RYR2: variants seen among roughly 807,000 people sequenced by gnomAD.
RYR2 encodes ryanodine receptor 2, also known as cardiac muscle ryanodine receptor-calcium release channel.
Under a neutral mutation model 601.1 loss-of-function variants are expected in RYR2, and 227 were observed. The ratio of observed to expected loss-of-function variants is 0.38; its 90% CI spans 0.34 to 0.42. The LOEUF (loss-of-function observed/expected upper bound fraction) is 0.42, where lower values mean the gene tolerates loss of function less well. Ranked by LOEUF, RYR2 falls within the 10% of genes least tolerant of loss-of-function variation. The pLI, the probability that RYR2 is intolerant of heterozygous loss-of-function variation, is 1.00. For missense variants in RYR2, 4,646 were observed against 6,156.5 expected (o/e 0.75, Z 8.21); for synonymous variants, 2,223 against 2,175.1 (o/e 1.02, Z -0.61).
intron 80 of RYR2, among the ~76,000 whole-genome samples, chr1:237,753,926 T>TTG (rs1391055067): frequency 1.3e-5 from 2 of 151,792 alleles, no homozygotes; most frequent in African/African-American, 4.8e-5. Flanking sequence ...TCAGAGTTTT[T>TTG]TTTTTTTTTT....
intron 3 of RYR2, among the ~76,000 whole-genome samples, chr1:237,341,937 C>A (rs1697842222): frequency 6.6e-6 from 1 of 152,196 alleles, no homozygotes; most frequent in African/African-American, 2.4e-5. Flanking sequence ...ACAGCATAAT[C>A]ACTATTAGTT....
At chr1:237,827,032 C>A (rs1298722075) in intron 101 of RYR2, among the ~76,000 whole-genome samples, 2 of 152,296 alleles carry the variant, frequency 1.3e-5, no homozygotes, top group East Asian at 3.9e-4. Flanking sequence ...TTCCGCTTAA[C>A]ACATGTATCC....
intron 38 of RYR2, among the ~76,000 whole-genome samples, chr1:237,620,278 CTG>C (rs1317104914): frequency 1.3e-5 from 2 of 152,104 alleles, no homozygotes; most frequent in African/African-American, 4.8e-5. Context: ...TACCAGTAGA[CTG>C]TATGTTAGGT....
At position 237,289,399 on chromosome 1, in the gene RYR2, G is replaced by A. The variant is rs142707994; in HGVS notation, c.168+18783G>A. Among the ~76,000 whole-genome samples the A allele has an allele frequency of 6.3e-3, 963 of 152,286 alleles. 5 individuals are homozygous for A. Among genetic ancestry groups the A allele is most frequent in the Middle Eastern group, 0.01 (3 of 292 alleles). ...ACCTGAGACTGGATAATTTATAAAG[G>A]AAAGATGTTTAATTGACTCACAGTT... On this transcript the variant is annotated intron_variant, in intron 2 of 104. Coordinates refer to ENST00000366574, the MANE Select transcript of RYR2 (RefSeq NM_001035.3).
At chr1:237,795,966 GTATATGTA>G (rs1659168306) in intron 96 of RYR2, among the ~76,000 whole-genome samples, 1 of 84,978 alleles carries the variant, frequency 1.2e-5, no homozygotes, top group African/African-American at 3.2e-5. Flanking sequence ...ACATATGTAT[GTATATGTA>G]TATATGTATA....
chr1:237,127,515 G>C (rs980940029), intron 1 of RYR2, among the ~76,000 whole-genome samples: 11 of 149,838 alleles, frequency 7.3e-5, no homozygotes, highest in Admixed American at 5.3e-4. Context: ...GCGGGGGGCT[G>C]ATGCCCCCAC....
intron 1 of RYR2, among the ~76,000 whole-genome samples, chr1:237,077,789 A>T (rs536399926): frequency 0.013 from 1,943 of 150,484 alleles, 2 homozygotes; most frequent in African/African-American, 0.045. Flanking sequence ...ATAGACATCT[A>T]CAGAACCATC....
intron 16 of RYR2, among the ~76,000 whole-genome samples, chr1:237,466,663 A>C (rs1660117541): frequency 5.9e-5 from 9 of 151,344 alleles, no homozygotes; most frequent in Admixed American, 5.9e-4. Context: ...ACTGATGTTT[A>C]TTTGATGTTC....
chr1:237,430,780 T>C (rs1449300072), intron 12 of RYR2, among the ~76,000 whole-genome samples: 3 of 152,230 alleles, frequency 2.0e-5, no homozygotes, highest in Admixed American at 2.0e-4. Flanking sequence ...TATTTTTGAA[T>C]GTTCTTGATA....
chr1:237,255,838 A>AGTGTGTGTGT (rs4006354), intron 1 of RYR2, among the ~76,000 whole-genome samples: 3,838 of 142,928 alleles, frequency 0.027, 157 homozygotes, highest in African/African-American at 0.09. Flanking sequence ...TTGCTATACC[A>AGTGTGTGTGT]GTGTGTGTGT....
intron 10 of RYR2, among the ~76,000 whole-genome samples, chr1:237,402,748 C>CTA (rs1305445927): frequency 1.6e-5 from 1 of 63,370 alleles, no homozygotes; most frequent in Non-Finnish European, 3.8e-5. Context: ...GATTTCATCC[C>CTA]TACAAAAAAA....
At chr1:237,658,577 G>C (rs1683468834) in intron 54 of RYR2, among the ~76,000 whole-genome samples, 1 of 152,036 alleles carries the variant, frequency 6.6e-6, no homozygotes, top group Non-Finnish European at 1.5e-5. Flanking sequence ...ATTTTTTATA[G>C]AGATGAGATC....
intron 1 of RYR2, among the ~76,000 whole-genome samples, chr1:237,162,839 T>G (rs1235847417): frequency 6.6e-6 from 1 of 152,122 alleles, no homozygotes; most frequent in Non-Finnish European, 1.5e-5. Flanking sequence ...ATCGTCTAAA[T>G]GCCTGCTGTT....
At chr1:237,829,326 A>G (rs1663513332) in intron 102 of RYR2, among the ~76,000 whole-genome samples, 1 of 152,172 alleles carries the variant, frequency 6.6e-6, no homozygotes, top group Non-Finnish European at 1.5e-5. Flanking sequence ...CAGGTGGGAG[A>G]TTCTGAAGCT....
intron 3 of RYR2, among the ~76,000 whole-genome samples, chr1:237,351,854 C>CAAAAAAAAAAAAAAAAAAAAA (rs33955032): frequency 7.3e-5 from 3 of 40,928 alleles, no homozygotes; most frequent in Non-Finnish European, 9.4e-5. Context: ...AAAGACCATG[C>CAAAAAAAAAAAAAAAAAAAAA]AAAAAAAAAA....
chr1:237,221,005 A>C (rs992740977), intron 1 of RYR2, among the ~76,000 whole-genome samples: 2 of 152,054 alleles, frequency 1.3e-5, no homozygotes, highest in African/African-American at 4.8e-5. Context: ...CTGAGGCAGG[A>C]GAATGGCTTG....
rs747708095 is a variant in RYR2 at position 237,614,616 on chromosome 1, A to G, written c.5488A>G (p.Ile1830Val). ...PLIKLFYTLL[I>V]MGIFHNEDLK... Reference sequence around the variant, plus strand: ...CATCAAGCTTTTCTATACCCTGCTGATCATGGGCATCTTTCACAACGAGGA... The same window carrying G: ...CATCAAGCTTTTCTATACCCTGCTGGTCATGGGCATCTTTCACAACGAGGA... Residue 1830 changes from isoleucine (I) to valine (V), a missense_variant, in exon 37 of 105, where the codon ATC becomes GTC. By Grantham distance (29) the Ile-to-Val change is conservative. This residue lies in a region of RYR2 where 1,807 missense variants were observed against 2,088.1 expected (regional missense o/e 0.87). Transcript: ENST00000366574. The surrounding 1 kb of genome is among the most constrained non-coding windows in gnomAD (Gnocchi z 4.3). 2 of 1,614,006 alleles carry G rather than the reference A, an allele frequency of 1.2e-6. No homozygotes were observed. Among genetic ancestry groups the G allele is most frequent in the Non-Finnish European group, 1.7e-6 (2 of 1,179,886 alleles).
chr1:237,681,303 C>T (rs912080697), intron 62 of RYR2, among the ~76,000 whole-genome samples: 2 of 152,166 alleles, frequency 1.3e-5, no homozygotes, highest in South Asian at 2.1e-4. Flanking sequence ...GGAGAAAATA[C>T]AGACTTTCCT....
chr1:237,297,815 A>G (rs981759847), intron 2 of RYR2, among the ~76,000 whole-genome samples: 4 of 151,884 alleles, frequency 2.6e-5, no homozygotes, highest in Admixed American at 2.6e-4. Flanking sequence ...CAGTAGTGCA[A>G]TTATAGCTCA....
Sources: allele counts gnomAD v4.1 joint callset (sites outside exome capture counted in the v4.1 genomes callset), GRCh38; gene constraint gnomAD v4.1.1; regional missense constraint gnomAD v4.1.1; non-coding constraint Gnocchi (gnomAD v3.1); transcripts MANE v1.5; gene names NCBI Gene and HGNC (gene_info 2026-07-23, HGNC 2026-07-21).